The following COL3A1 variants were observed in gnomAD, a reference collection of about 807,000 sequenced individuals.
COL3A1 encodes the protein collagen alpha-1(III) chain.
Under a neutral mutation model 200.9 loss-of-function variants are expected in COL3A1, and 46 were observed. That is an observed-to-expected ratio of 0.23 (90% CI 0.18 to 0.29). COL3A1 has a LOEUF of 0.29. COL3A1 is among the 10% of genes least tolerant of loss of function. The pLI is 1.00. For missense variants in COL3A1, 1,367 were observed against 1,917.6 expected (o/e 0.71, Z 5.36); for synonymous variants, 650 against 628.0 (o/e 1.03, Z -0.52).
In COL3A1 at chr2:188,987,798, T is replaced by C. The variant is rs527250144; in HGVS notation, c.529-283T>C. Among the ~76,000 whole-genome samples, 3 of 152,242 alleles carry C rather than the reference T, an allele frequency of 2.0e-5. No homozygotes were observed. The South Asian group carries it at 6.2e-4, about 32-fold the overall frequency. ...CATTGCAGGGATTTTCATAGCATTA[T>C]GTACTAGTTTTTCCAGATTTTTAAT... On this transcript the variant is annotated intron_variant, in intron 5 of 50. Transcript: ENST00000304636.
chr2:188,991,661 C>T lies in COL3A1; in HGVS notation c.898-8C>T, dbSNP rs766564882. The T allele has an allele frequency of 1.4e-5, 22 of 1,613,874 alleles. No homozygotes were observed. Among genetic ancestry groups the T allele is most frequent in the Non-Finnish European group, 1.9e-5 (22 of 1,179,870 alleles). On this transcript the variant is annotated splice_region_variant and splice_polypyrimidine_tract_variant and intron_variant, in intron 12 of 50. Coordinates refer to ENST00000304636, the MANE Select transcript of COL3A1 (RefSeq NM_000090.4). ...AGAGTAAAACCATATTTCAATTTTA[C>T]TCTGTAGGGTCCAAGAGGGGCTCCT...
Position 189,003,057 on chromosome 2 carries a change from C to T in COL3A1, c.2548C>T (p.Pro850Ser). Reference protein sequence around the residue: ...GVAGPPGGSGPAGPPGPQGVK... With the variant: ...GVAGPPGGSGSAGPPGPQGVK... ...TGCAGGACCCCCTGGAGGTTCTGGA[C>T]CTGCTGTAAGTTCCTTCCTCTTTCT... Residue 850 changes from proline to serine, a missense_variant, in exon 36 of 51, where the codon CCT (proline) becomes TCT (serine). Pro to Ser is a moderately conservative substitution (Grantham distance 74). This residue lies in a region of COL3A1 where 846 missense variants were observed against 1,147.9 expected (regional missense o/e 0.74). Transcript: ENST00000304636. The T allele has an allele frequency of 6.5e-7, 1 of 1,549,768 alleles. No individual in the cohort carries two copies. The highest frequency in any genetic ancestry group is 1.2e-5 in the South Asian group (1 of 84,012).
rs12478121 is a variant in COL3A1 at position 188,977,804 on chromosome 2, T to C, written c.79+3236T>C. Reference sequence around the variant, plus strand: ...ATTATATATCGTCCTAGAAAGTACATGAACTAATAATGCATTTCTAAAGGT... The same window carrying C: ...ATTATATATCGTCCTAGAAAGTACACGAACTAATAATGCATTTCTAAAGGT... On this transcript the variant is annotated intron_variant, in intron 1 of 50. Coordinates refer to ENST00000304636, the MANE Select transcript of COL3A1 (RefSeq NM_000090.4). 2.0e-3 allele frequency among the ~76,000 whole-genome samples: 303 copies of C among 152,228 alleles called. 5 individuals carry two copies. The highest frequency in any genetic ancestry group is 0.017 in the Admixed American group (265 of 15,286).
At chr2:188,995,224 C>A (rs1408157080) in intron 21 of COL3A1, 125 bp downstream of exon 21, 1 of 921,422 alleles carries the variant, frequency 1.1e-6, no homozygotes, top group Non-Finnish European at 1.7e-6. Context: ...AGAAAAATTC[C>A]TAATATAATG....
intron 26 of COL3A1, 46 bp downstream of exon 26, chr2:188,997,435 G>T (rs373551938): frequency 1.7e-5 from 27 of 1,563,640 alleles, no homozygotes; most frequent in Non-Finnish European, 2.4e-5. Context: ...GGGTGGAGGT[G>T]GGGCAGGAAG....
chr2:188,983,513 C>T (rs1687997676), intron 1 of COL3A1, among the ~76,000 whole-genome samples: 1 of 151,804 alleles, frequency 6.6e-6, no homozygotes, highest in Admixed American at 6.6e-5. Context: ...TTACCCTAGA[C>T]AGAGAGATGA....
chr2:188,980,423 C>A (rs1264646917), intron 1 of COL3A1, among the ~76,000 whole-genome samples: 3 of 16,412 alleles, frequency 1.8e-4, no homozygotes, highest in Non-Finnish European at 2.8e-4. Context: ...AAAGATTAAT[C>A]TTTTAGACAA....
At chr2:188,975,637 AAT>A (rs1687793134) in intron 1 of COL3A1, among the ~76,000 whole-genome samples, 1 of 152,224 alleles carries the variant, frequency 6.6e-6, no homozygotes, top group Non-Finnish European at 1.5e-5. Flanking sequence ...TTTTGTTTGT[AAT>A]ATCAAATGTA....
chr2:188,997,439 C>A (rs990581408), intron 26 of COL3A1, 50 bp downstream of exon 26: 4 of 1,544,386 alleles, frequency 2.6e-6, no homozygotes, highest in Non-Finnish European at 2.7e-6. Flanking sequence ...GGAGGTGGGG[C>A]AGGAAGAATG....
chr2:188,992,962 A>C, intron 15 of COL3A1, 22 bp downstream of exon 15: 1 of 1,611,300 alleles, frequency 6.2e-7, no homozygotes, highest in Non-Finnish European at 8.5e-7. Flanking sequence ...TTTCTATAGA[A>C]GGGTATAAAA....
intron 47 of COL3A1, chr2:189,008,500 A>G (rs1688646843): frequency 2.5e-6 from 1 of 396,216 alleles, no homozygotes; most frequent in Non-Finnish European, 4.7e-6. Context: ...AACAGCTTCC[A>G]TGGTTACTAT....
In COL3A1 at chr2:188,994,684, G is replaced by T; in HGVS notation, c.1348-40G>T. On this transcript the variant is annotated intron_variant, in intron 19 of 50. Transcript: ENST00000304636. The surrounding 1 kb of genome is among the most constrained non-coding windows in gnomAD (Gnocchi z 4.5). ...AGGTAAAAACTTTGAACTAAATTCA[G>T]TCATAATTTCTTTATTTTACCATCT... 6.2e-7 allele frequency: 1 copy of T among 1,610,772 alleles called. No homozygotes were observed. Among genetic ancestry groups the T allele is most frequent in the Non-Finnish European group, 8.5e-7 (1 of 1,177,738 alleles).
rs201608544 is a variant in COL3A1, at chr2:188,996,292, ATATC to A, written c.1663-102_1663-99del. The stretch of plus-strand genomic sequence containing the variant: ...TGTGTATATATATATATGTATATGT[ATATC>A]TATATATATACACACACACACACAC... On this transcript the variant is annotated intron_variant, in intron 23 of 50. Coordinates refer to ENST00000304636, the MANE Select transcript of COL3A1 (RefSeq NM_000090.4). The A allele has an allele frequency of 0.012, 8,701 of 734,342 alleles. 357 individuals are homozygous for A. In the African/African-American group the frequency reaches 0.18, roughly 16 times the overall value. The allele number at this position is 734,342 out of a possible 1,614,324, so 45.5% of individuals were successfully genotyped here.
At chr2:188,976,569 G>T (rs1217367122) in intron 1 of COL3A1, among the ~76,000 whole-genome samples, 1 of 152,092 alleles carries the variant, frequency 6.6e-6, no homozygotes, top group Non-Finnish European at 1.5e-5. Flanking sequence ...GTTACAGGAG[G>T]TATCTGAATA....
At chr2:189,008,186 C>G (rs1688639275) in intron 47 of COL3A1, 44 bp downstream of exon 47, 4 of 1,522,278 alleles carry the variant, frequency 2.6e-6, no homozygotes, top group African/African-American at 1.4e-5. Context: ...TTGCTACAAT[C>G]TTCCAATTTT....
chr2:188,998,345 C>G, intron 28 of COL3A1, 26 bp downstream of exon 28: 1 of 1,601,060 alleles, frequency 6.2e-7, no homozygotes, highest in Non-Finnish European at 8.6e-7. Flanking sequence ...TTATTCAAAA[C>G]TCAGAAACAA....
intron 13 of COL3A1, among the ~76,000 whole-genome samples, chr2:188,991,941 AT>A (rs1302254330): frequency 6.6e-6 from 1 of 152,184 alleles, no homozygotes; most frequent in African/African-American, 2.4e-5. Context: ...AACTTTTCAT[AT>A]GTCATTTGAG....
chr2:188,989,134 A>G (rs1688123527), intron 7 of COL3A1, among the ~76,000 whole-genome samples: 1 of 151,550 alleles, frequency 6.6e-6, no homozygotes, highest in Admixed American at 6.6e-5. Flanking sequence ...ATATTTAGAT[A>G]TATTTAATAT....
chr2:188,974,387 A>C lies in COL3A1; in HGVS notation c.-103A>C. ...GGAATCTCAGTGGCTGAGTTTTATG[A>C]CGGGCCCGGTGCTGAAGGGCAGGGA... On this transcript the variant is annotated 5_prime_UTR_variant, in exon 1 of 51. Transcript: ENST00000304636. 3 of 816,722 alleles carry C rather than the reference A, an allele frequency of 3.7e-6. No individual in the cohort carries two copies. The highest frequency in any genetic ancestry group is 6.0e-6 in the Non-Finnish European group (3 of 496,836). 50.6% of individuals were successfully genotyped at this position (816,722 alleles called of 1,614,324 possible).
Sources: gnomAD v4.1 joint callset for allele counts (sites outside exome capture counted in the v4.1 genomes callset) on GRCh38, gnomAD v4.1.1 for gene constraint, gnomAD v4.1.1 regional missense constraint, Gnocchi (gnomAD v3.1) non-coding constraint, MANE v1.5 for transcripts, NCBI Gene and HGNC (gene_info 2026-07-23, HGNC 2026-07-21) for gene names.